PCDHA9: variants seen among roughly 807,000 people sequenced by gnomAD.
The protein encoded by PCDHA9 is protocadherin alpha 9.
PCDHA9 carries 62 observed loss-of-function variants against 62.0 expected under a neutral mutation model. That is an observed-to-expected ratio of 1.00 (90% CI 0.81 to 1.23). PCDHA9 has a LOEUF of 1.23. Among genes scored for constraint, PCDHA9 ranks in the 50% most tolerant of loss-of-function variants. PCDHA9 has a pLI of 0.00. For synonymous variants in PCDHA9, 557 were observed against 567.6 expected (o/e 0.98, Z 0.27); for missense variants, 1,205 against 1,249.8 (o/e 0.96, Z 0.54).
intron 1 of PCDHA9, among the ~76,000 whole-genome samples, chr5:140,919,535 ACTTTT>A (rs1310340464): frequency 1.3e-5 from 2 of 151,732 alleles, no homozygotes; most frequent in Non-Finnish European, 2.9e-5. Flanking sequence ...TTTTTCCTAT[ACTTTT>A]CATTTACTGA....
chr5:140,942,511 CAG>C (rs574477918), intron 1 of PCDHA9, among the ~76,000 whole-genome samples: 21 of 151,458 alleles, frequency 1.4e-4, no homozygotes, highest in Non-Finnish European at 2.8e-4. Flanking sequence ...CTAGGAAACT[CAG>C]AGGGGAAGCA....
chr5:140,871,719 T>G (rs1228976923), intron 1 of PCDHA9: 1 of 783,446 alleles, frequency 1.3e-6, no homozygotes, highest in East Asian at 2.9e-5. Flanking sequence ...CCTATTTCTC[T>G]TAATATTTGG....
chr5:140,983,801 T>G (rs1386165689), intron 3 of PCDHA9, among the ~76,000 whole-genome samples: 1 of 152,214 alleles, frequency 6.6e-6, no homozygotes, highest in Non-Finnish European at 1.5e-5. Context: ...AATGTGTGTG[T>G]AAAAGGTTTT....
intron 1 of PCDHA9, among the ~76,000 whole-genome samples, chr5:140,952,160 G>C (rs952147312): frequency 6.6e-6 from 1 of 152,044 alleles, no homozygotes; most frequent in Non-Finnish European, 1.5e-5. Flanking sequence ...GGCTTTGTGG[G>C]GTTCAGTTCC....
intron 1 of PCDHA9, among the ~76,000 whole-genome samples, chr5:140,974,319 G>A (rs781949857): frequency 1.8e-4 from 27 of 152,198 alleles, no homozygotes; most frequent in Non-Finnish European, 3.5e-4. Flanking sequence ...TGAGAGAGTA[G>A]CTGCTGTGCT....
At chr5:140,884,376 C>T (rs1554181489) in intron 1 of PCDHA9, 2 of 1,613,982 alleles carry the variant, frequency 1.2e-6, no homozygotes, top group Non-Finnish European at 1.7e-6. Context: ...TTGATCATTG[C>T]CATCTGCGCG....
chr5:140,883,083 G>A (rs267600402), intron 1 of PCDHA9: 8 of 1,614,082 alleles, frequency 5.0e-6, no homozygotes, highest in Non-Finnish European at 6.8e-6. Flanking sequence ...CCTGATGATG[G>A]TACAAATGGA....
chr5:140,852,811 G>A (rs2150522776), intron 1 of PCDHA9: 7 of 973,542 alleles, frequency 7.2e-6, no homozygotes, highest in East Asian at 1.1e-4. Flanking sequence ...TTTGTCTCCC[G>A]CCCTAAGTCC....
intron 1 of PCDHA9, chr5:140,966,228 A>G: frequency 3.6e-6 from 1 of 275,386 alleles, no homozygotes; most frequent in Admixed American, 5.3e-5. Context: ...AATCTCCTTA[A>G]AGACCCGTTA....
At chr5:140,935,253 A>G (rs1469038997) in intron 1 of PCDHA9, among the ~76,000 whole-genome samples, 1 of 152,226 alleles carries the variant, frequency 6.6e-6, no homozygotes, top group Non-Finnish European at 1.5e-5. Flanking sequence ...GATAAAATAC[A>G]TCACATGTTT....
intron 1 of PCDHA9, among the ~76,000 whole-genome samples, chr5:140,964,685 A>G (rs1209867922): frequency 1.3e-5 from 2 of 152,036 alleles, no homozygotes; most frequent in African/African-American, 4.8e-5. Context: ...CAATTTGTGC[A>G]CTTGAGAGAT....
intron 1 of PCDHA9, chr5:140,966,454 C>G (rs897696652): frequency 1.6e-5 from 7 of 426,406 alleles, no homozygotes; most frequent in Non-Finnish European, 1.6e-5. Flanking sequence ...TCCCCCTCCC[C>G]CTCTGTCTTC....
Position 140,918,450 on chromosome 5 carries a change from G to A in PCDHA9, c.2395-60499G>A, listed in dbSNP as rs7725108. On this transcript the variant is annotated intron_variant, in intron 1 of 3. Transcript: ENST00000532602. ...TGTTGAATAGGAGTGGTGACAGTGGGCATCCTTGTCTTATTCCAAGTCTCA... is the reference window on the plus strand; with the variant it reads ...TGTTGAATAGGAGTGGTGACAGTGGACATCCTTGTCTTATTCCAAGTCTCA... Among the ~76,000 whole-genome samples, 323 of 152,246 alleles carry A rather than the reference G, an allele frequency of 2.1e-3. 2 individuals carry two copies. The highest frequency in any genetic ancestry group is 7.4e-3 in the African/African-American group (306 of 41,540).
At chr5:140,968,020 C>G (rs1554230190) in intron 1 of PCDHA9, 1 of 1,614,202 alleles carries the variant, frequency 6.2e-7, no homozygotes, top group Non-Finnish European at 8.5e-7. Context: ...TTGGAAACTC[C>G]TATACACTGG....
chr5:141,006,157 A>G (rs2098258108), intron 3 of PCDHA9, among the ~76,000 whole-genome samples: 1 of 150,182 alleles, frequency 6.7e-6, no homozygotes, highest in Non-Finnish European at 1.5e-5. Context: ...GGAGTGATAT[A>G]ATCTGATTTA....
At chr5:140,876,820 G>A in intron 1 of PCDHA9, 2 of 1,614,214 alleles carry the variant, frequency 1.2e-6, no homozygotes, top group Non-Finnish European at 1.7e-6. Context: ...CGACGTGAAC[G>A]ACAATGCGCC....
rs2150485791 is a variant in PCDHA9 at position 140,850,475 on chromosome 5, G to T, written c.1980G>T (p.Thr660=). The change falls in exon 1 of 4, where the codon ACG becomes ACT. Residue 660 remains threonine, a synonymous_variant. Coordinates refer to ENST00000532602, the MANE Select transcript of PCDHA9 (RefSeq NM_031857.2). ...AAGACCACGGGGAGCCAGCGCTGAC[G>T]GCCACGGCCACTGTGCTGGTGTCGC... ...LVKDHGEPAL[T]ATATVLVSLV... is the part of the protein sequence containing the mutation. The T allele has an allele frequency of 1.3e-6, 2 of 1,597,894 alleles. No homozygotes were observed. The highest frequency in any genetic ancestry group is 2.7e-5 in the African/African-American group (2 of 74,344).
intron 1 of PCDHA9, among the ~76,000 whole-genome samples, chr5:140,916,951 G>A (rs1197063390): frequency 6.6e-6 from 1 of 152,210 alleles, no homozygotes; most frequent in Non-Finnish European, 1.5e-5. Context: ...GAGGCTTGCT[G>A]AGTTCTGACT....
chr5:140,924,647 C>G (rs1396293249), intron 1 of PCDHA9, among the ~76,000 whole-genome samples: 1 of 152,132 alleles, frequency 6.6e-6, no homozygotes, highest in East Asian at 1.9e-4. Context: ...GTAATCCCAG[C>G]ACTTTGGGAG....
Sources: allele counts gnomAD v4.1 joint callset (sites outside exome capture counted in the v4.1 genomes callset), GRCh38; gene constraint gnomAD v4.1.1; transcripts MANE v1.5; gene names NCBI Gene and HGNC (gene_info 2026-07-23, HGNC 2026-07-21).